Variants in CADPS2 observed in about 807,000 individuals in gnomAD.
CADPS2 encodes calcium-dependent secretion activator 2.
In CADPS2, 93 loss-of-function variants were observed where a neutral mutation model predicts 172.5. That is an observed-to-expected ratio of 0.54 (90% CI 0.46 to 0.64). The LOEUF (loss-of-function observed/expected upper bound fraction) is 0.64, where lower values mean the gene tolerates loss of function less well. Ranked by LOEUF, CADPS2 falls within the 30% of genes least tolerant of loss-of-function variation. The probability of loss-of-function intolerance (pLI) is 0.00; values close to 1 mark genes in which losing one functional copy is unlikely to be tolerated. For missense variants in CADPS2, 1,420 were observed against 1,565.9 expected, an observed-to-expected ratio of 0.91 and a Z score of 1.57; for synonymous variants, 546 against 555.2, an observed-to-expected ratio of 0.98 and a Z score of 0.23.
chr7:122,704,060 T>C lies in CADPS2; in HGVS notation c.453+32895A>G, dbSNP rs183241405. On this transcript the variant is annotated intron_variant, in intron 2 of 29. Coordinates refer to ENST00000449022, the MANE Select transcript of CADPS2 (RefSeq NM_017954.11). The stretch of plus-strand genomic sequence containing the variant: ...TCTATCATGTATAGGTTATCTTCTA[T>C]GTGCTCAGCATGCCACAAAGTCCTA... Among the ~76,000 whole-genome samples the C allele has an allele frequency of 3.0e-3, 458 of 152,258 alleles. 2 individuals are homozygous for C. Among genetic ancestry groups the C allele is most frequent in the Non-Finnish European group, 4.8e-3 (327 of 68,014 alleles).
intron 2 of CADPS2, among the ~76,000 whole-genome samples, chr7:122,673,852 C>T (rs1180080850): frequency 1.7e-5 from 2 of 118,328 alleles, no homozygotes; most frequent in African/African-American, 6.4e-5. Context: ...GACCGGGTGC[C>T]GTGGAGCAGG....
At chr7:122,619,532 C>G (rs866215430) in intron 5 of CADPS2, among the ~76,000 whole-genome samples, 7 of 151,384 alleles carry the variant, frequency 4.6e-5, no homozygotes, top group Admixed American at 2.6e-4. Context: ...GAGGCTGAAG[C>G]GGGAGAATCA....
chr7:122,462,610 T>C (rs2054593816), intron 14 of CADPS2, among the ~76,000 whole-genome samples: 1 of 152,178 alleles, frequency 6.6e-6, no homozygotes, highest in Admixed American at 6.5e-5. Context: ...TAAATCAAAA[T>C]CTAGTTTGCT....
At chr7:122,367,413 G>A (rs1379001202) in intron 25 of CADPS2, among the ~76,000 whole-genome samples, 1 of 151,788 alleles carries the variant, frequency 6.6e-6, no homozygotes, top group Non-Finnish European at 1.5e-5. Flanking sequence ...TAGGAAGTTG[G>A]ATATTACAGA....
chr7:122,486,617 A>AC (rs1413270333), intron 11 of CADPS2, among the ~76,000 whole-genome samples: 1 of 152,190 alleles, frequency 6.6e-6, no homozygotes, highest in Non-Finnish European at 1.5e-5. Flanking sequence ...TGAAAGGACA[A>AC]CAAATGATTT....
chr7:122,722,157 C>T (rs1032375994), intron 2 of CADPS2, among the ~76,000 whole-genome samples: 2 of 152,100 alleles, frequency 1.3e-5, no homozygotes, highest in African/African-American at 4.8e-5. Context: ...TCTCTCACCA[C>T]TCCTATTCAA....
At chr7:122,766,108 T>C (rs893743136) in intron 1 of CADPS2, among the ~76,000 whole-genome samples, 4 of 152,046 alleles carry the variant, frequency 2.6e-5, no homozygotes, top group East Asian at 3.9e-4. Flanking sequence ...AGCAGGCACA[T>C]GCAAAGAGGC....
chr7:122,434,774 T>C (rs937869248), intron 17 of CADPS2, among the ~76,000 whole-genome samples: 1 of 152,270 alleles, frequency 6.6e-6, no homozygotes, highest in African/African-American at 2.4e-5. Flanking sequence ...TGGGATTTCA[T>C]AACCCTTGTT....
At chr7:122,522,237 C>T (rs1368686499) in intron 8 of CADPS2, among the ~76,000 whole-genome samples, 7 of 152,070 alleles carry the variant, frequency 4.6e-5, no homozygotes, top group African/African-American at 1.4e-4. Flanking sequence ...GCTTCAGCCT[C>T]TTGAGTAGCT....
At chr7:122,737,136 T>A (rs2092212713) in intron 1 of CADPS2, 68 bp from the exon 2 acceptor site, 3 of 784,720 alleles carry the variant, frequency 3.8e-6, no homozygotes, top group Non-Finnish European at 6.6e-6. Flanking sequence ...CTATTAAAAA[T>A]CATATTTGCT....
chr7:122,750,161 A>G (rs554523768), intron 1 of CADPS2, among the ~76,000 whole-genome samples: 1 of 152,124 alleles, frequency 6.6e-6, no homozygotes, highest in Admixed American at 6.6e-5. Context: ...TGTATGCTAC[A>G]CTGCTGAGTC....
intron 7 of CADPS2, among the ~76,000 whole-genome samples, chr7:122,565,182 G>GTATAACCA (rs1374567995): frequency 6.6e-6 from 1 of 150,874 alleles, no homozygotes; most frequent in Non-Finnish European, 1.5e-5. Context: ...CCGCTATGCA[G>GTATAACCA]TATAACCATG....
At chr7:122,817,072 GCTAA>G (rs1467891410) in intron 1 of CADPS2, among the ~76,000 whole-genome samples, 1 of 150,454 alleles carries the variant, frequency 6.6e-6, no homozygotes, top group African/African-American at 2.5e-5. Context: ...ATCTCCCTTC[GCTAA>G]CTCTCTTTTC....
At chr7:122,855,224 C>T (rs927445574) in intron 1 of CADPS2, among the ~76,000 whole-genome samples, 1 of 152,112 alleles carries the variant, frequency 6.6e-6, no homozygotes, top group Non-Finnish European at 1.5e-5. Flanking sequence ...CAGTATTCTG[C>T]CTGGAAGCCA....
At chr7:122,451,985 G>T (rs905601823) in intron 14 of CADPS2, among the ~76,000 whole-genome samples, 1 of 152,000 alleles carries the variant, frequency 6.6e-6, no homozygotes, top group African/African-American at 2.4e-5. Flanking sequence ...TTAAATACAG[G>T]GCATATGAAT....
chr7:122,618,263 C>T (rs1563870555), intron 5 of CADPS2, among the ~76,000 whole-genome samples: 2 of 151,924 alleles, frequency 1.3e-5, no homozygotes, highest in Non-Finnish European at 2.9e-5. Flanking sequence ...TTTTTTGATA[C>T]CATAAAAATC....
At position 122,669,413 on chromosome 7, in the gene CADPS2, A is replaced by G. The variant is rs117604248; in HGVS notation, c.454-5844T>C. On this transcript the variant is annotated intron_variant, in intron 2 of 29. Transcript: ENST00000449022. ...CCCACACACTGAAATCTCCAGAGAT[A>G]AACAGGAGGATTATACAGGCATCTA... 8.9e-3 allele frequency among the ~76,000 whole-genome samples: 1,355 copies of G among 151,658 alleles called. 6 individuals are homozygous for G. The highest frequency in any genetic ancestry group is 0.014 in the South Asian group (68 of 4,780).
At chr7:122,724,715 C>T (rs1562859459) in intron 2 of CADPS2, among the ~76,000 whole-genome samples, 1 of 151,820 alleles carries the variant, frequency 6.6e-6, no homozygotes, top group Non-Finnish European at 1.5e-5. Flanking sequence ...CCAGATAGAA[C>T]AAAACTCGCA....
intron 6 of CADPS2, among the ~76,000 whole-genome samples, chr7:122,588,358 CTTGAG>C (rs1279610620): frequency 2.6e-5 from 4 of 151,946 alleles, no homozygotes; most frequent in African/African-American, 7.2e-5. Context: ...TTTAATCCAT[CTTGAG>C]TTAATTGTTA....
Sources: gnomAD v4.1 joint callset for allele counts (sites outside exome capture counted in the v4.1 genomes callset) on GRCh38, gnomAD v4.1.1 for gene constraint, MANE v1.5 for transcripts, NCBI Gene and HGNC (gene_info 2026-07-23, HGNC 2026-07-21) for gene names.